The following DGLUCY variants were observed in gnomAD, a reference collection of about 807,000 sequenced individuals.
The protein encoded by DGLUCY is D-glutamate cyclase, mitochondrial.
Under a neutral mutation model 58.5 loss-of-function variants are expected in DGLUCY, and 58 were observed. The observed-to-expected ratio is 0.99, with a 90% CI of 0.80 to 1.23. The LOEUF is 1.23. Among genes scored for constraint, DGLUCY ranks in the 50% most tolerant of loss-of-function variants. DGLUCY has a pLI of 0.00. For synonymous variants in DGLUCY, 325 were observed against 314.1 expected, an observed-to-expected ratio of 1.03 and a Z score of -0.37; for missense variants, 779 against 784.7, an observed-to-expected ratio of 0.99 and a Z score of 0.09.
chr14:91,187,798 C>T (rs1041075501), intron 8 of DGLUCY, among the ~76,000 whole-genome samples: 13 of 152,208 alleles, frequency 8.5e-5, no homozygotes, highest in African/African-American at 3.1e-4. Flanking sequence ...TCAAGCTGTG[C>T]TGAGCCCCAG....
chr14:91,185,465 TG>T (rs1189380980), intron 8 of DGLUCY: 1 of 151,308 alleles, frequency 6.6e-6, no homozygotes, highest in Non-Finnish European at 1.5e-5. Flanking sequence ...AATTTTTTTT[TG>T]TAGAGATGGG....
chr14:91,095,834 A>T (rs1006441338), intron 1 of DGLUCY, among the ~76,000 whole-genome samples: 2 of 151,128 alleles, frequency 1.3e-5, no homozygotes, highest in South Asian at 4.2e-4. Flanking sequence ...CACATCTTCT[A>T]TATCTTTGTC....
Position 91,215,453 on chromosome 14 carries a change from T to C in DGLUCY, c.1613T>C (p.Leu538Pro). 1 of 1,614,226 alleles carries C rather than the reference T, an allele frequency of 6.2e-7. No homozygotes were observed. The highest frequency in any genetic ancestry group is 8.5e-7 in the Non-Finnish European group (1 of 1,180,030). The change falls in exon 13 of 14, where the codon CTG (leucine) becomes CCG (proline). Residue 538 changes from leucine to proline, a missense_variant. Transcript: ENST00000256324. ...GCCCTGGCCTGCGCACTCTACATCC[T>C]GTACTCATGTGCTGTCCACAGTCAG... ...GYALACALYILYSCAVHSQYL... is the reference protein window; with the variant it reads ...GYALACALYIPYSCAVHSQYL...
chr14:91,160,911 A>G (rs1285391006), intron 3 of DGLUCY, among the ~76,000 whole-genome samples: 1 of 152,234 alleles, frequency 6.6e-6, no homozygotes, highest in Non-Finnish European at 1.5e-5. Context: ...TTCACATTAA[A>G]AAAGACTCGT....
At chr14:91,216,270 A>G (rs558709288) in intron 13 of DGLUCY, 3 of 160,004 alleles carry the variant, frequency 1.9e-5, no homozygotes, top group Non-Finnish European at 4.2e-5. Context: ...TGTTTGCACA[A>G]TTGTTCCTGT....
chr14:91,153,437 CCT>C (rs2047431750), intron 1 of DGLUCY, among the ~76,000 whole-genome samples: 1 of 152,232 alleles, frequency 6.6e-6, no homozygotes, highest in African/African-American at 2.4e-5. Context: ...CCCACCTCGG[CCT>C]CTCAAAGTGC....
chr14:91,081,096 G>A (rs377712876), intron 1 of DGLUCY, among the ~76,000 whole-genome samples: 49 of 152,266 alleles, frequency 3.2e-4, no homozygotes, highest in African/African-American at 1.1e-3. Context: ...CCAGCTGCTG[G>A]GGAGGCTGAG....
In DGLUCY at chr14:91,114,171, A is replaced by C. The variant is rs1211384743; in HGVS notation, c.-194A>C. 4 of 152,226 alleles carry C rather than the reference A, an allele frequency of 2.6e-5. No homozygotes were observed. Among genetic ancestry groups the C allele is most frequent in the African/African-American group, 4.8e-5 (2 of 41,426 alleles). The allele number at this position is 152,226 out of a possible 1,614,324, so 9.4% of individuals were successfully genotyped here. ...AGAACAACCCCCCGTGGCGCAGGAG[A>C]GCAGAAGAAAGGGGGCCTTTATGCC... On this transcript the variant is annotated 5_prime_UTR_variant, in exon 1 of 14. Transcript: ENST00000256324.
intron 1 of DGLUCY, chr14:91,060,885 G>T (rs986516176): frequency 1.3e-5 from 2 of 154,022 alleles, no homozygotes; most frequent in African/African-American, 4.8e-5. Context: ...CGATTGGTGA[G>T]ACCCAAAGCT....
rs146754823 is a variant in DGLUCY, at chr14:91,125,904, C to T, written c.-82+11621C>T. On this transcript the variant is annotated intron_variant, in intron 1 of 13. Coordinates refer to ENST00000256324, the MANE Select transcript of DGLUCY (RefSeq NM_001102368.3). Reference sequence around the variant, plus strand: ...CCGAGATCTTGCCACTGTACTCTAGCCTGGGTGACAGAGCAGGACACAGTC... The same window carrying T: ...CCGAGATCTTGCCACTGTACTCTAGTCTGGGTGACAGAGCAGGACACAGTC... 1.8e-3 allele frequency among the ~76,000 whole-genome samples: 273 copies of T among 152,290 alleles called. 1 individual carries two copies. The highest frequency in any genetic ancestry group is 4.4e-3 in the Admixed American group (68 of 15,292).
At chr14:91,180,214 T>C (rs1471346734) in intron 7 of DGLUCY, among the ~76,000 whole-genome samples, 1 of 152,004 alleles carries the variant, frequency 6.6e-6, no homozygotes, top group Non-Finnish European at 1.5e-5. Flanking sequence ...ATGTACGTTT[T>C]CCAGTTTCGT....
intron 1 of DGLUCY, among the ~76,000 whole-genome samples, chr14:91,075,577 A>G (rs138329995): frequency 6.6e-6 from 1 of 152,254 alleles, no homozygotes; most frequent in Non-Finnish European, 1.5e-5. Flanking sequence ...TGCGTCCTCC[A>G]GGGTTGTTGT....
chr14:91,159,889 C>T (rs1221008722), intron 2 of DGLUCY, among the ~76,000 whole-genome samples: 2 of 152,110 alleles, frequency 1.3e-5, no homozygotes, highest in Non-Finnish European at 1.5e-5. Context: ...TCCCTGCCCT[C>T]GAGGCCCTAG....
At chr14:91,191,662 CAA>C (rs1380799924) in intron 9 of DGLUCY, among the ~76,000 whole-genome samples, 1 of 152,098 alleles carries the variant, frequency 6.6e-6, no homozygotes. Context: ...CAAAGAAACC[CAA>C]AGAGACAAAA....
intron 7 of DGLUCY, among the ~76,000 whole-genome samples, chr14:91,177,125 G>A (rs762719809): frequency 6.6e-6 from 1 of 151,878 alleles, no homozygotes; most frequent in Non-Finnish European, 1.5e-5. Context: ...CAGCTTCCCA[G>A]GTAGCTGGGA....
Position 91,216,822 on chromosome 14 carries a change from C to T in DGLUCY, c.1716+1266C>T, listed in dbSNP as rs150022396. 3.7e-3 allele frequency among the ~76,000 whole-genome samples: 562 copies of T among 152,320 alleles called. 3 individuals are homozygous for T. Among genetic ancestry groups the T allele is most frequent in the African/African-American group, 0.013 (528 of 41,560 alleles). On this transcript the variant is annotated intron_variant, in intron 13 of 13. Coordinates refer to ENST00000256324, the MANE Select transcript of DGLUCY (RefSeq NM_001102368.3). ...TGTTGTTTGCAGTTCTAGGTACACT[C>T]TGTAGCCCAGTGCAGAGGAAGGGCA...
intron 10 of DGLUCY, among the ~76,000 whole-genome samples, chr14:91,198,052 C>CT (rs929125911): frequency 2.6e-5 from 4 of 151,904 alleles, no homozygotes; most frequent in South Asian, 2.1e-4. Context: ...TATGCATATT[C>CT]TTTTTTTTGA....
At chr14:91,166,450 A>G (rs1320055523) in intron 3 of DGLUCY, among the ~76,000 whole-genome samples, 1 of 152,142 alleles carries the variant, frequency 6.6e-6, no homozygotes, top group African/African-American at 2.4e-5. Context: ...AGATCACTTG[A>G]GCCCAGGTGT....
chr14:91,121,055 C>T (rs1474234124), intron 1 of DGLUCY, among the ~76,000 whole-genome samples: 2 of 152,156 alleles, frequency 1.3e-5, no homozygotes, highest in Non-Finnish European at 2.9e-5. Context: ...TCCCTCTTTA[C>T]CCCAGGTGTG....
Sources: gnomAD v4.1 joint callset for allele counts (sites outside exome capture counted in the v4.1 genomes callset) on GRCh38, gnomAD v4.1.1 for gene constraint, MANE v1.5 for transcripts, NCBI Gene and HGNC (gene_info 2026-07-23, HGNC 2026-07-21) for gene names.